The following TMF1 variants were observed in gnomAD, a reference collection of about 807,000 sequenced individuals.
The protein encoded by TMF1 is TATA element modulatory factor.
Under a neutral mutation model 126.5 loss-of-function variants are expected in TMF1, and 71 were observed. The observed-to-expected ratio is 0.56, with a 90% CI of 0.46 to 0.68. TMF1 has a LOEUF of 0.68. Among genes scored for constraint, TMF1 ranks in the 30% least tolerant of loss-of-function variants. The pLI is 0.00. For missense variants in TMF1, 1,259 were observed against 1,253.2 expected, an observed-to-expected ratio of 1.00 and a Z score of -0.07; for synonymous variants, 461 against 430.5, an observed-to-expected ratio of 1.07 and a Z score of -0.88.
chr3:69,029,755 T>C, intron 11 of TMF1, 60 bp downstream of exon 11: 1 of 1,491,190 alleles, frequency 6.7e-7, no homozygotes, highest in Non-Finnish European at 9.0e-7. Flanking sequence ...AACATACTTT[T>C]AAAAAGTGCT....
intron 5 of TMF1, chr3:69,042,396 T>C (rs571119294): frequency 2.2e-6 from 1 of 456,560 alleles, no homozygotes; most frequent in African/African-American, 2.0e-5. Context: ...TAAAAATTAA[T>C]ACAATGAAAA....
chr3:69,026,074 A>G lies in TMF1; in HGVS notation c.2781T>C (p.Ser927=), dbSNP rs1268994661. ...KEKERKPFSV[S]STPTMSRSSS... ...TTGAGCGTGACATGGTGGGAGTGCT[A>G]GAAACAGAAAATGGCTTGCGTTCCT... The change falls in exon 14 of 17, where the codon TCT becomes TCC. Residue 927 remains serine (S), a synonymous_variant. Coordinates refer to ENST00000398559, the MANE Select transcript of TMF1 (RefSeq NM_007114.3). The G allele has an allele frequency of 3.7e-6, 6 of 1,613,948 alleles. No homozygotes were observed. Among genetic ancestry groups the G allele is most frequent in the South Asian group, 2.2e-5 (2 of 91,082 alleles).
rs1269553218 is a variant in TMF1 at position 69,022,383 on chromosome 3, ACTT to A, written c.*791_*793del. 1.3e-5 allele frequency: 2 copies of A among 152,560 alleles called. No homozygotes were observed. The highest frequency in any genetic ancestry group is 2.9e-5 in the Non-Finnish European group (2 of 67,982). The allele number at this position is 152,560 out of a possible 1,614,324, so 9.5% of individuals were successfully genotyped here. Reference sequence around the variant, plus strand: ...TCATTTTATAGGGTAGTAAAATAATACTTCTTCAAAATCATTTAAATGTTATTG... The same window carrying A: ...TCATTTTATAGGGTAGTAAAATAATACTTCAAAATCATTTAAATGTTATTG... On this transcript the variant is annotated 3_prime_UTR_variant, in exon 17 of 17. Transcript: ENST00000398559.
chr3:69,022,320 A>G lies in TMF1; in HGVS notation c.*857T>C, dbSNP rs997480419. Reference sequence around the variant, plus strand: ...TACAAAATATGAACAGGTAATTTTTAAAGAGTAAATTATGTTAAGAACTTT... The same window carrying G: ...TACAAAATATGAACAGGTAATTTTTGAAGAGTAAATTATGTTAAGAACTTT... On this transcript the variant is annotated 3_prime_UTR_variant, in exon 17 of 17. Coordinates refer to ENST00000398559, the MANE Select transcript of TMF1 (RefSeq NM_007114.3). 14 of 152,264 alleles carry G rather than the reference A, an allele frequency of 9.2e-5. No homozygotes were observed. The highest frequency in any genetic ancestry group is 3.4e-4 in the African/African-American group (14 of 41,470). 9.4% of individuals were successfully genotyped at this position (152,264 alleles called of 1,614,324 possible).
At chr3:69,031,665 A>C (rs553707302) in intron 10 of TMF1, among the ~76,000 whole-genome samples, 7 of 152,334 alleles carry the variant, frequency 4.6e-5, no homozygotes, top group African/African-American at 1.7e-4. Context: ...AATGGGTAAG[A>C]TTCTGAGATT....
rs768468840 is a variant in TMF1 at position 69,038,928 on chromosome 3, T to C, written c.1909A>G (p.Lys637Glu). The change falls in exon 7 of 17, where the codon AAA (lysine) becomes GAA (glutamate). Residue 637 changes from lysine (K) to glutamate (E), a missense_variant. Transcript: ENST00000398559. ...TCTACCTGAAGACGGCCAAGATCTT[T>C]CTCTTGGCGTTCTACCATGGAATTT... Reference protein sequence around the residue: ...KLNSMVERQEKDLGRLQVDMD... With the variant: ...KLNSMVERQEEDLGRLQVDMD... 6.2e-7 allele frequency: 1 copy of C among 1,611,954 alleles called. No individual in the cohort carries two copies. Among genetic ancestry groups the C allele is most frequent in the South Asian group, 1.1e-5 (1 of 90,442 alleles).
intron 1 of TMF1, among the ~76,000 whole-genome samples, chr3:69,049,823 CT>C (rs2091916242): frequency 6.6e-6 from 1 of 152,120 alleles, no homozygotes; most frequent in Non-Finnish European, 1.5e-5. Context: ...TAAAGCATTT[CT>C]TTAAAAATGT....
chr3:69,026,243 GAAA>G, intron 13 of TMF1, 146 bp from the exon 14 acceptor site: 2 of 520,632 alleles, frequency 3.8e-6, no homozygotes, highest in Non-Finnish European at 6.8e-6. Flanking sequence ...ATCAAAAGAA[GAAA>G]AAAAACTTTT....
At chr3:69,026,425 C>T (rs555193345) in intron 13 of TMF1, among the ~76,000 whole-genome samples, 4 of 152,158 alleles carry the variant, frequency 2.6e-5, no homozygotes, top group Non-Finnish European at 4.4e-5. Context: ...GGAAAAACCT[C>T]GTCTCTACTA....
rs1247422152 is a variant in TMF1, at chr3:69,028,300, TAAAC to T, written c.2595-9_2595-6del. 4.4e-6 allele frequency: 7 copies of T among 1,599,728 alleles called. No homozygotes were observed. The highest frequency in any genetic ancestry group is 1.7e-5 in the Admixed American group (1 of 59,556). On this transcript the variant is annotated splice_region_variant and splice_polypyrimidine_tract_variant and intron_variant, in intron 11 of 16. Coordinates refer to ENST00000398559, the MANE Select transcript of TMF1 (RefSeq NM_007114.3). ...TTTTCCAATTCAACCTGGTACCTAT[TAAAC>T]AAGGCAGAATTTAAAAAAACAGAAA...
At chr3:69,025,875 C>T in intron 14 of TMF1, 121 bp downstream of exon 14, 3 of 1,122,020 alleles carry the variant, frequency 2.7e-6, no homozygotes. Flanking sequence ...CACTCCTCCA[C>T]AAGTATTCAG....
In TMF1 at chr3:69,036,853, A is replaced by C. The variant is rs944812315; in HGVS notation, c.2151+1711T>G. Among the ~76,000 whole-genome samples the C allele has an allele frequency of 2.6e-5, 4 of 152,360 alleles. No homozygotes were observed. In the East Asian group the frequency reaches 7.7e-4, roughly 29 times the overall value. Reference sequence around the variant, plus strand: ...GAAGAAAACTGATGAAGATCTGCATAAACTTGGATTAAGCAATGGTTTCTT... The same window carrying C: ...GAAGAAAACTGATGAAGATCTGCATCAACTTGGATTAAGCAATGGTTTCTT... On this transcript the variant is annotated intron_variant, in intron 8 of 16. Coordinates refer to ENST00000398559, the MANE Select transcript of TMF1 (RefSeq NM_007114.3).
At chr3:69,040,776 G>C (rs140028706) in intron 5 of TMF1, among the ~76,000 whole-genome samples, 126 of 152,166 alleles carry the variant, frequency 8.3e-4, no homozygotes, top group African/African-American at 2.8e-3. Flanking sequence ...ACAAAAACTA[G>C]CTAGGCGTGG....
Position 69,038,738 on chromosome 3 carries a change from A to C in TMF1, c.1995-18T>G, listed in dbSNP as rs769686540. The C allele has an allele frequency of 1.4e-5, 22 of 1,600,840 alleles. No individual in the cohort carries two copies. The highest frequency in any genetic ancestry group is 1.7e-5 in the Non-Finnish European group (20 of 1,173,932). The stretch of plus-strand genomic sequence containing the variant: ...TAAGTTCTCTTAAAAAATTAGATTG[A>C]GTTTATAAATGTTGCCAGTGATCAG... On this transcript the variant is annotated intron_variant, in intron 7 of 16. Coordinates refer to ENST00000398559, the MANE Select transcript of TMF1 (RefSeq NM_007114.3).
At chr3:69,040,970 A>G (rs2091861128) in intron 5 of TMF1, among the ~76,000 whole-genome samples, 1 of 151,906 alleles carries the variant, frequency 6.6e-6, no homozygotes, top group Admixed American at 6.6e-5. Flanking sequence ...AATATATAAT[A>G]CCCTTTTGTG....
chr3:69,038,763 G>A (rs2091846979), intron 7 of TMF1, 43 bp from the exon 8 acceptor site: 1 of 1,589,876 alleles, frequency 6.3e-7, no homozygotes, highest in Non-Finnish European at 8.6e-7. Flanking sequence ...CCAGTGATCA[G>A]ATAATAGAAA....
rs2107461344 is a variant in TMF1, at chr3:69,035,184, A to G, written c.2152-69T>C. 8 of 1,282,068 alleles carry G rather than the reference A, an allele frequency of 6.2e-6. 1 individual carries two copies. The highest frequency in any genetic ancestry group is 3.7e-4 in the Middle Eastern group (2 of 5,396). The allele number at this position is 1,282,068 out of a possible 1,614,324, so 79.4% of individuals were successfully genotyped here. A position where few individuals can be genotyped will look rare whatever the true frequency, so the allele number is the denominator to read the frequency against. On this transcript the variant is annotated intron_variant, in intron 8 of 16. Coordinates refer to ENST00000398559, the MANE Select transcript of TMF1 (RefSeq NM_007114.3). Reference sequence around the variant, plus strand: ...TTATCTATAACTTCCCACTAACTACATATTTTGTGTTGTGTCAACATTGTT... The same window carrying G: ...TTATCTATAACTTCCCACTAACTACGTATTTTGTGTTGTGTCAACATTGTT...
Position 69,023,337 on chromosome 3 carries a change from T to C in TMF1, c.3139-17A>G. ...ATCCAAATCCTGAAAAATGTATTTG[T>C]TTACAATTTTTAAAATAACTACACA... On this transcript the variant is annotated splice_polypyrimidine_tract_variant and intron_variant, in intron 16 of 16. Transcript: ENST00000398559. 5 of 1,588,974 alleles carry C rather than the reference T, an allele frequency of 3.1e-6. No individual in the cohort carries two copies. The South Asian group carries it at 5.7e-5, about 18-fold the overall frequency.
At chr3:69,051,919 A>T in intron 1 of TMF1, 26 bp downstream of exon 1, 2 of 1,608,754 alleles carry the variant, frequency 1.2e-6, no homozygotes, top group Non-Finnish European at 1.7e-6. Flanking sequence ...TCCGGGAGCC[A>T]GGAACCCCGC....
Sources: allele counts gnomAD v4.1 joint callset (sites outside exome capture counted in the v4.1 genomes callset), GRCh38; gene constraint gnomAD v4.1.1; transcripts MANE v1.5; gene names NCBI Gene and HGNC (gene_info 2026-07-23, HGNC 2026-07-21).